GLG1: variants seen among roughly 807,000 people sequenced by gnomAD.
GLG1 encodes golgi glycoprotein 1.
GLG1 carries 38 observed loss-of-function variants against 160.5 expected under a neutral mutation model. The ratio of observed to expected loss-of-function variants is 0.24; its 90% CI spans 0.18 to 0.31. The LOEUF (loss-of-function observed/expected upper bound fraction) is 0.31, where lower values mean the gene tolerates loss of function less well. Among genes scored for constraint, GLG1 ranks in the 10% least tolerant of loss-of-function variants. GLG1 has a pLI of 1.00. For synonymous variants in GLG1, 644 were observed against 543.4 expected (o/e 1.19, Z -2.57); for missense variants, 1,373 against 1,505.2 (o/e 0.91, Z 1.45).
At chr16:74,602,509 C>T (rs946838624) in intron 1 of GLG1, among the ~76,000 whole-genome samples, 3 of 152,174 alleles carry the variant, frequency 2.0e-5, no homozygotes, top group South Asian at 4.1e-4. Flanking sequence ...CGGGGCTGGG[C>T]GCGGTGACTC....
At chr16:74,467,929 T>C in intron 17 of GLG1, 81 bp from the exon 18 acceptor site, 1 of 896,264 alleles carries the variant, frequency 1.1e-6, no homozygotes, top group East Asian at 2.5e-5. Flanking sequence ...ATTTGTTGAC[T>C]GCATCTTGTC....
At chr16:74,509,926 A>T (rs1338189434) in intron 2 of GLG1, among the ~76,000 whole-genome samples, 1 of 151,932 alleles carries the variant, frequency 6.6e-6, no homozygotes, top group Admixed American at 6.6e-5. Context: ...GCCTCAAGCA[A>T]TTCCCCTGCC....
At chr16:74,546,201 A>G (rs1489910019) in intron 1 of GLG1, among the ~76,000 whole-genome samples, 1 of 152,184 alleles carries the variant, frequency 6.6e-6, no homozygotes, top group African/African-American at 2.4e-5. Context: ...CACTCTGGGA[A>G]GCTGAGGTGG....
At chr16:74,467,933 T>G in intron 17 of GLG1, 85 bp from the exon 18 acceptor site, 1 of 842,758 alleles carries the variant, frequency 1.2e-6, no homozygotes, top group East Asian at 2.5e-5. Flanking sequence ...GTTGACTGCA[T>G]CTTGTCTAGT....
intron 2 of GLG1, 115 bp from the exon 3 acceptor site, chr16:74,509,040 C>T (rs916711796): frequency 1.9e-6 from 1 of 530,332 alleles, no homozygotes; most frequent in African/African-American, 1.9e-5. Context: ...AAAGCATATT[C>T]ACATCAGATA....
intron 1 of GLG1, among the ~76,000 whole-genome samples, chr16:74,554,888 C>T (rs906492645): frequency 5.3e-5 from 8 of 152,150 alleles, no homozygotes; most frequent in African/African-American, 1.9e-4. Flanking sequence ...TGGTGGCATG[C>T]ACGTATAGTC....
intron 19 of GLG1, 97 bp from the exon 20 acceptor site, chr16:74,463,576 G>A (rs2014885366): frequency 1.6e-6 from 2 of 1,247,192 alleles, no homozygotes; most frequent in Non-Finnish European, 2.3e-6. Context: ...GTCTCACCGT[G>A]TCACCCAGGC....
intron 1 of GLG1, among the ~76,000 whole-genome samples, chr16:74,544,017 G>A (rs2017974622): frequency 6.6e-6 from 1 of 152,166 alleles, no homozygotes; most frequent in Non-Finnish European, 1.5e-5. Flanking sequence ...TTATAGAAAT[G>A]GCTTGGAGAA....
At chr16:74,535,087 T>C (rs1242220463) in intron 1 of GLG1, among the ~76,000 whole-genome samples, 1 of 152,134 alleles carries the variant, frequency 6.6e-6, no homozygotes, top group Non-Finnish European at 1.5e-5. Flanking sequence ...ACCCTCAACC[T>C]GTAGCCTGAA....
In GLG1 at chr16:74,591,141, G is replaced by A. The variant is rs190667503; in HGVS notation, c.438+15516C>T. Among the ~76,000 whole-genome samples the A allele has an allele frequency of 2.7e-3, 414 of 151,998 alleles. 3 individuals carry two copies. Among genetic ancestry groups the A allele is most frequent in the Admixed American group, 8.2e-3 (125 of 15,236 alleles). ...AGGTCAGGAGTTTGAGACCAGCCTA[G>A]CCAACACGGTGAAACCCCGTCTCTA... On this transcript the variant is annotated intron_variant, in intron 1 of 25. Transcript: ENST00000422840.
chr16:74,515,565 G>A (rs2016952184), intron 2 of GLG1, among the ~76,000 whole-genome samples: 1 of 151,880 alleles, frequency 6.6e-6, no homozygotes, highest in African/African-American at 2.4e-5. Flanking sequence ...ATAACGAAAT[G>A]AAGGCAGGGA....
At chr16:74,506,406 A>G (rs1179382290) in intron 3 of GLG1, among the ~76,000 whole-genome samples, 2 of 150,804 alleles carry the variant, frequency 1.3e-5, no homozygotes, top group East Asian at 2.0e-4. Flanking sequence ...GTGAAACCCC[A>G]TCTCTACTAA....
chr16:74,534,998 G>A lies in GLG1; in HGVS notation c.439-2845C>T, dbSNP rs376059501. ...TAAATGTGCCTGGGTAGTTTGGCCT[G>A]TATTCCTGCACCCCTGCCATTCCCC... On this transcript the variant is annotated intron_variant, in intron 1 of 25. Transcript: ENST00000422840. Among the ~76,000 whole-genome samples, 55 of 152,296 alleles carry A rather than the reference G, an allele frequency of 3.6e-4. 2 individuals carry two copies. The South Asian group carries it at 0.011, about 30-fold the overall frequency.
intron 1 of GLG1, among the ~76,000 whole-genome samples, chr16:74,563,510 C>T (rs1396892135): frequency 1.3e-5 from 2 of 152,246 alleles, no homozygotes; most frequent in African/African-American, 2.4e-5. Context: ...GGGCAGATCA[C>T]TTGAGGTCAG....
Position 74,465,771 on chromosome 16 carries a change from G to C in GLG1, c.2572C>G (p.Arg858Gly), listed in dbSNP as rs375250447. 207 of 1,612,716 alleles carry C rather than the reference G, an allele frequency of 1.3e-4. No homozygotes were observed. The highest frequency in any genetic ancestry group is 1.6e-4 in the Non-Finnish European group (193 of 1,178,896). Reference sequence around the variant, plus strand: ...AGCTTAAATACTTTTTGGTGGCAGCGGGTGCTTAGCTGCTTCTTGTTTTCT... The same window carrying C: ...AGCTTAAATACTTTTTGGTGGCAGCCGGTGCTTAGCTGCTTCTTGTTTTCT... ...LKENKKQLST[R>G]CHQKVFKLQE... Residue 858 changes from arginine to glycine, a missense_variant, in exon 19 of 26, where the codon CGC (arginine) becomes GGC (glycine). Physicochemically the swap from Arg to Gly is moderately radical, Grantham distance 125. Around this residue, in one of 4 missense-constraint regions of GLG1, gnomAD observed 491 missense variants for 632.1 expected, o/e 0.78. Coordinates refer to ENST00000422840, the MANE Select transcript of GLG1 (RefSeq NM_001145667.2).
At chr16:74,585,346 C>T (rs1171628721) in intron 1 of GLG1, among the ~76,000 whole-genome samples, 1 of 151,856 alleles carries the variant, frequency 6.6e-6, no homozygotes, top group African/African-American at 2.4e-5. Context: ...GAGGTGGAGG[C>T]TGCAGTGATC....
chr16:74,483,814 C>T (rs945432164), intron 9 of GLG1, among the ~76,000 whole-genome samples: 21 of 152,032 alleles, frequency 1.4e-4, no homozygotes, highest in African/African-American at 2.2e-4. Context: ...CCCACCACCA[C>T]GCCCGGCTAA....
intron 4 of GLG1, among the ~76,000 whole-genome samples, chr16:74,502,541 AT>A (rs575524722): frequency 3.4e-4 from 50 of 145,622 alleles, no homozygotes; most frequent in Admixed American, 4.8e-4. Context: ...GTGCTAAGTA[AT>A]TTTTTTTTTT....
intron 2 of GLG1, among the ~76,000 whole-genome samples, chr16:74,525,362 A>G (rs1054544944): frequency 1.3e-5 from 2 of 152,160 alleles, no homozygotes; most frequent in African/African-American, 4.8e-5. Flanking sequence ...TGTGGTTAGG[A>G]TACACATTTC....
Sources: gnomAD v4.1 joint callset for allele counts (sites outside exome capture counted in the v4.1 genomes callset) on GRCh38, gnomAD v4.1.1 for gene constraint, gnomAD v4.1.1 regional missense constraint, MANE v1.5 for transcripts, NCBI Gene and HGNC (gene_info 2026-07-23, HGNC 2026-07-21) for gene names.